The following PLCB1 variants were observed in gnomAD, a reference collection of about 807,000 sequenced individuals.
PLCB1 encodes phospholipase C beta 1.
PLCB1 carries 46 observed loss-of-function variants against 161.8 expected under a neutral mutation model. The observed-to-expected ratio is 0.28, with a 90% confidence interval of 0.22 to 0.36. PLCB1 has a LOEUF of 0.36. Among genes scored for constraint, PLCB1 ranks in the 10% least tolerant of loss-of-function variants. PLCB1 has a pLI of 1.00. For synonymous variants in PLCB1, 517 were observed against 503.7 expected (o/e 1.03, Z -0.35); for missense variants, 1,016 against 1,472.5 (o/e 0.69, Z 5.07).
At chr20:8,169,725 G>A (rs542973313) in intron 2 of PLCB1, among the ~76,000 whole-genome samples, 118 of 152,246 alleles carry the variant, frequency 7.8e-4, no homozygotes, top group Non-Finnish European at 1.5e-3. Flanking sequence ...CAGGAACTTG[G>A]AGTGCAGTTT....
intron 2 of PLCB1, among the ~76,000 whole-genome samples, chr20:8,283,473 T>A (rs923960955): frequency 1.2e-4 from 18 of 151,470 alleles, no homozygotes; most frequent in Non-Finnish European, 2.5e-4. Flanking sequence ...TTTCTTTTTT[T>A]AATAATAAAT....
intron 6 of PLCB1, among the ~76,000 whole-genome samples, chr20:8,648,223 G>A (rs1283209681): frequency 1.3e-5 from 2 of 152,168 alleles, no homozygotes; most frequent in Non-Finnish European, 2.9e-5. Context: ...TACTAAGGCC[G>A]AAAGGCCATC....
At chr20:8,202,339 G>C (rs1278299798) in intron 2 of PLCB1, among the ~76,000 whole-genome samples, 1 of 152,224 alleles carries the variant, frequency 6.6e-6, no homozygotes, top group African/African-American at 2.4e-5. Context: ...GCCTCCCAAA[G>C]TGCTGGATTA....
intron 3 of PLCB1, among the ~76,000 whole-genome samples, chr20:8,531,832 G>A (rs963432499): frequency 3.4e-5 from 5 of 149,236 alleles, no homozygotes; most frequent in African/African-American, 1.2e-4. Flanking sequence ...ATAAAAAATT[G>A]TTTCCACTCA....
At chr20:8,465,340 C>T (rs1267232578) in intron 3 of PLCB1, among the ~76,000 whole-genome samples, 3 of 152,070 alleles carry the variant, frequency 2.0e-5, no homozygotes, top group Non-Finnish European at 4.4e-5. Context: ...CAAATACCGA[C>T]CAGGTTGTGG....
chr20:8,444,308 C>T (rs551649976), intron 3 of PLCB1, among the ~76,000 whole-genome samples: 5 of 151,826 alleles, frequency 3.3e-5, no homozygotes, highest in African/African-American at 9.7e-5. Context: ...TTTGTCCTTG[C>T]GATAGTTTGC....
chr20:8,308,611 C>T lies in PLCB1; in HGVS notation c.178-62771C>T, dbSNP rs117111812. ...CAGTCTGGGCAACAGAGCGAGATTC[C>T]GTATATCAAAAAAAAAAAAAAAAAA... On this transcript the variant is annotated intron_variant, in intron 2 of 31. Transcript: ENST00000338037. Among the ~76,000 whole-genome samples the T allele has an allele frequency of 1.5e-3, 201 of 130,236 alleles. 2 individuals are homozygous for T. The East Asian group carries it at 0.033, about 21-fold the overall frequency. The allele number at this position is 130,236 out of a possible 152,430, so 85.4% of individuals were successfully genotyped here. A position where few individuals can be genotyped will look rare whatever the true frequency, so the allele number is the denominator to read the frequency against.
intron 31 of PLCB1, among the ~76,000 whole-genome samples, chr20:8,859,837 GA>G (rs376395836): frequency 1.5e-4 from 22 of 145,412 alleles, no homozygotes; most frequent in East Asian, 6.0e-4. Context: ...GGAGAGGGAA[GA>G]AAAAAAAAAG....
chr20:8,506,528 A>C (rs1042131849), intron 3 of PLCB1, among the ~76,000 whole-genome samples: 1 of 152,252 alleles, frequency 6.6e-6, no homozygotes, highest in South Asian at 2.1e-4. Context: ...AAAGTACATC[A>C]GGAAAAATCA....
intron 3 of PLCB1, among the ~76,000 whole-genome samples, chr20:8,415,686 C>T (rs1979238787): frequency 6.6e-6 from 1 of 152,204 alleles, no homozygotes; most frequent in African/African-American, 2.4e-5. Context: ...GGGAACTGTG[C>T]ACCTAAGCTG....
intron 3 of PLCB1, among the ~76,000 whole-genome samples, chr20:8,564,568 AT>A (rs761993261): frequency 1.3e-5 from 2 of 152,138 alleles, no homozygotes; most frequent in East Asian, 3.9e-4. Flanking sequence ...ATGGGAGAAA[AT>A]TTTTGCAGTG....
intron 31 of PLCB1, among the ~76,000 whole-genome samples, chr20:8,839,185 C>T (rs1211313465): frequency 6.6e-6 from 1 of 152,160 alleles, no homozygotes; most frequent in Admixed American, 6.5e-5. Flanking sequence ...GTTTAGGGAC[C>T]TTCTACCTCA....
chr20:8,134,697 G>C (rs2051327593), intron 1 of PLCB1, among the ~76,000 whole-genome samples: 1 of 151,948 alleles, frequency 6.6e-6, no homozygotes, highest in Admixed American at 6.6e-5. Context: ...ATGAGAGAGA[G>C]ATTGGGTGAT....
chr20:8,645,979 C>G (rs1989157987), intron 4 of PLCB1, 123 bp from the exon 5 acceptor site: 1 of 632,702 alleles, frequency 1.6e-6, no homozygotes, highest in African/African-American at 1.8e-5. Context: ...TAATACAAAA[C>G]AAAACAAAAA....
chr20:8,436,062 G>C (rs1004945551), intron 3 of PLCB1, among the ~76,000 whole-genome samples: 1 of 152,102 alleles, frequency 6.6e-6, no homozygotes, highest in African/African-American at 2.4e-5. Context: ...AATATGACCA[G>C]GCACAGTGGC....
intron 2 of PLCB1, among the ~76,000 whole-genome samples, chr20:8,271,490 A>G (rs1300221707): frequency 3.3e-5 from 5 of 152,098 alleles, no homozygotes; most frequent in Admixed American, 1.3e-4. Context: ...AACCATTTAT[A>G]TTACTTTAAG....
chr20:8,136,436 C>CT (rs1338376198), intron 1 of PLCB1, among the ~76,000 whole-genome samples: 1 of 152,052 alleles, frequency 6.6e-6, no homozygotes, highest in Non-Finnish European at 1.5e-5. Flanking sequence ...ACCATCCTGG[C>CT]TAACACGGTG....
At chr20:8,289,895 G>T (rs1555795694) in intron 2 of PLCB1, among the ~76,000 whole-genome samples, 1 of 152,186 alleles carries the variant, frequency 6.6e-6, no homozygotes, top group Non-Finnish European at 1.5e-5. Context: ...GAGTGCCAGT[G>T]CCTAATAGAG....
chr20:8,366,513 A>G (rs1412878787), intron 2 of PLCB1, among the ~76,000 whole-genome samples: 1 of 152,242 alleles, frequency 6.6e-6, no homozygotes, highest in Non-Finnish European at 1.5e-5. Context: ...AAACAGAGAT[A>G]AAAGTCCAAG....
Sources: gnomAD v4.1 joint callset for allele counts (sites outside exome capture counted in the v4.1 genomes callset) on GRCh38, gnomAD v4.1.1 for gene constraint, MANE v1.5 for transcripts, NCBI Gene and HGNC (gene_info 2026-07-23, HGNC 2026-07-21) for gene names.